The following CAMK1D variants were observed in gnomAD, a reference collection of about 807,000 sequenced individuals.
The protein encoded by CAMK1D is calcium/calmodulin dependent protein kinase ID.
CAMK1D carries 9 observed loss-of-function variants against 47.7 expected under a neutral mutation model. The observed-to-expected ratio is 0.19, with a 90% CI of 0.11 to 0.33. The LOEUF (loss-of-function observed/expected upper bound fraction) is 0.33, where lower values mean the gene tolerates loss of function less well. Ranked by LOEUF, CAMK1D falls within the 10% of genes least tolerant of loss-of-function variation. The pLI is 1.00. For missense variants in CAMK1D, 291 were observed against 488.7 expected (o/e 0.60, Z 3.81); for synonymous variants, 184 against 184.9 (o/e 0.99, Z 0.04).
intron 1 of CAMK1D, among the ~76,000 whole-genome samples, chr10:12,436,127 T>G (rs1564338983): frequency 6.6e-6 from 1 of 152,194 alleles, no homozygotes; most frequent in Non-Finnish European, 1.5e-5. Context: ...TGCCAATGGC[T>G]TTCCGGGCCC....
At chr10:12,525,690 G>T (rs1835598612) in intron 1 of CAMK1D, among the ~76,000 whole-genome samples, 1 of 152,110 alleles carries the variant, frequency 6.6e-6, no homozygotes, top group South Asian at 2.1e-4. Flanking sequence ...TTGTCTGGGG[G>T]TTGGCATCTA....
In CAMK1D at chr10:12,763,078, C is replaced by G. The variant is rs1287827075; in HGVS notation, c.438+1992C>G. On this transcript the variant is annotated intron_variant, in intron 4 of 10. Transcript: ENST00000619168. ...ATGGGAGATAATGTTTTTAATTAAC[C>G]TACGTAATGCTTTTGGAGGAATCTT... Among the ~76,000 whole-genome samples the G allele has an allele frequency of 8.5e-5, 13 of 152,150 alleles. 1 individual carries two copies.
intron 2 of CAMK1D, among the ~76,000 whole-genome samples, chr10:12,644,977 T>C (rs1206944009): frequency 7.0e-6 from 1 of 143,594 alleles, no homozygotes; most frequent in East Asian, 2.1e-4. Context: ...TTAGGTAACC[T>C]TCACAGTGGT....
At chr10:12,352,763 G>T (rs1324596051) in intron 1 of CAMK1D, among the ~76,000 whole-genome samples, 1 of 141,588 alleles carries the variant, frequency 7.1e-6, no homozygotes, top group East Asian at 2.1e-4. Flanking sequence ...TTGAGACGGA[G>T]TCTCACTCTG....
intron 6 of CAMK1D, among the ~76,000 whole-genome samples, chr10:12,808,739 C>T (rs982491908): frequency 6.6e-6 from 1 of 152,066 alleles, no homozygotes; most frequent in Non-Finnish European, 1.5e-5. Context: ...GGTCGCGCTA[C>T]TGCACTCCAA....
chr10:12,364,868 C>T (rs964875827), intron 1 of CAMK1D, among the ~76,000 whole-genome samples: 2 of 152,074 alleles, frequency 1.3e-5, no homozygotes, highest in Non-Finnish European at 2.9e-5. Context: ...GTGGCTGTGG[C>T]ATACCACTGA....
chr10:12,354,169 CG>C (rs1564289448), intron 1 of CAMK1D, among the ~76,000 whole-genome samples: 1 of 152,094 alleles, frequency 6.6e-6, no homozygotes, highest in African/African-American at 2.4e-5. Flanking sequence ...TCTTCATCTC[CG>C]CGGGATATGA....
chr10:12,379,643 C>G (rs1838282745), intron 1 of CAMK1D, among the ~76,000 whole-genome samples: 1 of 151,982 alleles, frequency 6.6e-6, no homozygotes, highest in Non-Finnish European at 1.5e-5. Flanking sequence ...ATCCCAGCTA[C>G]TCGGGAGGCT....
chr10:12,622,424 G>A (rs1342766007), intron 2 of CAMK1D, among the ~76,000 whole-genome samples: 1 of 151,960 alleles, frequency 6.6e-6, no homozygotes, highest in South Asian at 2.1e-4. Flanking sequence ...ACGGGAGGCA[G>A]AAAGTAAACT....
rs1228423074 is a variant in CAMK1D, at chr10:12,522,913, G to A, written c.93-30312G>A. Among the ~76,000 whole-genome samples the A allele has an allele frequency of 1.3e-4, 11 of 81,648 alleles. 5 individuals carry two copies. Among genetic ancestry groups the A allele is most frequent in the Non-Finnish European group, 2.9e-4 (11 of 37,434 alleles). 53.6% of individuals were successfully genotyped at this position (81,648 alleles called of 152,430 possible). On this transcript the variant is annotated intron_variant, in intron 1 of 10. Transcript: ENST00000619168. ...TCCCGGACGGGGCGGCTGGCCGGGC[G>A]GGGGCTGACCCCCCACCTGCCTCCC...
intron 1 of CAMK1D, among the ~76,000 whole-genome samples, chr10:12,449,093 T>G (rs1013458668): frequency 6.6e-6 from 1 of 152,218 alleles, no homozygotes; most frequent in Non-Finnish European, 1.5e-5. Flanking sequence ...TATGAAAGAT[T>G]CCAGTTCCTT....
intron 1 of CAMK1D, among the ~76,000 whole-genome samples, chr10:12,496,270 T>G (rs1318120152): frequency 2.0e-5 from 3 of 152,212 alleles, no homozygotes; most frequent in African/African-American, 7.2e-5. Flanking sequence ...CTATATCAGT[T>G]AGGGTCAAGA....
At chr10:12,489,679 T>C (rs1447718146) in intron 1 of CAMK1D, among the ~76,000 whole-genome samples, 1 of 152,170 alleles carries the variant, frequency 6.6e-6, no homozygotes, top group African/African-American at 2.4e-5. Context: ...ACGACATAAA[T>C]GAATGGGATA....
At chr10:12,528,312 A>G (rs569420313) in intron 1 of CAMK1D, among the ~76,000 whole-genome samples, 1 of 152,360 alleles carries the variant, frequency 6.6e-6, no homozygotes, top group East Asian at 1.9e-4. Context: ...GAAAATTGCC[A>G]TAGGGATAAA....
In CAMK1D at chr10:12,572,078, A is replaced by G. The variant is rs986260179; in HGVS notation, c.224+18722A>G. ...AAAAAGTTCTGATAGAATACATGAA[A>G]TCCCAAGCAGAATTGGTACCAAATT... On this transcript the variant is annotated intron_variant, in intron 2 of 10. Transcript: ENST00000619168. Among the ~76,000 whole-genome samples the G allele has an allele frequency of 4.0e-4, 54 of 133,748 alleles. 2 individuals carry two copies. Among genetic ancestry groups the G allele is most frequent in the Non-Finnish European group, 4.7e-5 (3 of 64,328 alleles). The allele number at this position is 133,748 out of a possible 152,430, so 87.7% of individuals were successfully genotyped here.
intron 3 of CAMK1D, among the ~76,000 whole-genome samples, chr10:12,699,626 C>T (rs1193605388): frequency 1.3e-5 from 2 of 151,222 alleles, no homozygotes; most frequent in Non-Finnish European, 2.9e-5. Context: ...ATCATTAGTC[C>T]TCTACAGTTA....
Position 12,720,203 on chromosome 10 carries a change from A to G in CAMK1D, c.300-40745A>G, listed in dbSNP as rs530545252. Among the ~76,000 whole-genome samples the G allele has an allele frequency of 1.1e-4, 17 of 152,306 alleles. No individual in the cohort carries two copies. The South Asian group carries it at 3.5e-3, about 32-fold the overall frequency. Reference sequence around the variant, plus strand: ...CGCTTTTCCATCTGAACCACAGAGGACTGGATGTCACTCAGGACTCATGAC... The same window carrying G: ...CGCTTTTCCATCTGAACCACAGAGGGCTGGATGTCACTCAGGACTCATGAC... On this transcript the variant is annotated intron_variant, in intron 3 of 10. Transcript: ENST00000619168.
intron 1 of CAMK1D, among the ~76,000 whole-genome samples, chr10:12,478,306 C>T (rs980350030): frequency 2.0e-5 from 3 of 151,816 alleles, no homozygotes; most frequent in Non-Finnish European, 2.9e-5. Flanking sequence ...CTGCACCCAA[C>T]CTGTACTTAT....
At chr10:12,802,635 C>A (rs1326177324) in intron 6 of CAMK1D, among the ~76,000 whole-genome samples, 1 of 152,184 alleles carries the variant, frequency 6.6e-6, no homozygotes, top group African/African-American at 2.4e-5. Flanking sequence ...ATTCTCCTGC[C>A]TCAGCCTCCC....
Sources: gnomAD v4.1 joint callset for allele counts (sites outside exome capture counted in the v4.1 genomes callset) on GRCh38, gnomAD v4.1.1 for gene constraint, MANE v1.5 for transcripts, NCBI Gene and HGNC (gene_info 2026-07-23, HGNC 2026-07-21) for gene names.